Variants in UBE2H observed in about 807,000 individuals in gnomAD.
UBE2H encodes the protein ubiquitin conjugating enzyme E2 H, also known as ubiquitin-conjugating enzyme E2 H.
A neutral mutation model predicts 29.0 loss-of-function variants in UBE2H; 3 were observed. That is an observed-to-expected ratio of 0.10 (90% CI 0.05 to 0.27). The LOEUF is 0.27. Among genes scored for constraint, UBE2H ranks in the 10% least tolerant of loss-of-function variants. The pLI is 1.00. For synonymous variants in UBE2H, 69 were observed against 82.9 expected (o/e 0.83, Z 0.91); for missense variants, 68 against 228.2 (o/e 0.30, Z 4.52).
intron 1 of UBE2H, among the ~76,000 whole-genome samples, chr7:129,899,461 C>CT (rs1554436814): frequency 6.6e-6 from 1 of 152,008 alleles, no homozygotes; most frequent in African/African-American, 2.4e-5. Context: ...TTGTCCAGTG[C>CT]TTTTTTTTCT....
At chr7:129,950,807 C>G (rs535811123) in intron 1 of UBE2H, among the ~76,000 whole-genome samples, 14 of 152,218 alleles carry the variant, frequency 9.2e-5, no homozygotes, top group African/African-American at 3.4e-4. Flanking sequence ...GTCATAGTTA[C>G]AAGTTTTCCT....
intron 1 of UBE2H, among the ~76,000 whole-genome samples, chr7:129,946,158 T>C (rs965214943): frequency 6.6e-6 from 1 of 151,832 alleles, no homozygotes; most frequent in Non-Finnish European, 1.5e-5. Context: ...GTTCACACCA[T>C]TCTCCTGCCT....
chr7:129,891,319 G>A (rs914444111), intron 1 of UBE2H, among the ~76,000 whole-genome samples: 44 of 151,794 alleles, frequency 2.9e-4, no homozygotes, highest in Non-Finnish European at 4.9e-4. Flanking sequence ...CTATATAGCT[G>A]GGATTACAGG....
chr7:129,835,090 G>A (rs1480896954), intron 6 of UBE2H, 29 bp from the exon 7 acceptor site: 1 of 1,613,586 alleles, frequency 6.2e-7, no homozygotes, highest in Non-Finnish European at 8.5e-7. Context: ...AGACAACAAG[G>A]GCAGTGAGTG....
chr7:129,894,724 G>C (rs1299884775), intron 1 of UBE2H, among the ~76,000 whole-genome samples: 1 of 151,782 alleles, frequency 6.6e-6, no homozygotes, highest in Non-Finnish European at 1.5e-5. Context: ...CCTGACCTCA[G>C]GTGATCCACT....
intron 1 of UBE2H, among the ~76,000 whole-genome samples, chr7:129,917,050 A>C (rs1236683271): frequency 6.6e-6 from 1 of 151,766 alleles, no homozygotes; most frequent in East Asian, 1.9e-4. Context: ...AAAAAAAAAA[A>C]AAAACACAGC....
intron 1 of UBE2H, among the ~76,000 whole-genome samples, chr7:129,921,179 T>C (rs901586110): frequency 3.9e-5 from 6 of 152,160 alleles, no homozygotes; most frequent in Non-Finnish European, 7.4e-5. Flanking sequence ...TCTGCTAGAC[T>C]GTGTCACTGT....
intron 3 of UBE2H, among the ~76,000 whole-genome samples, chr7:129,866,473 C>T (rs936683470): frequency 4.6e-5 from 7 of 152,076 alleles, no homozygotes; most frequent in African/African-American, 1.2e-4. Flanking sequence ...ATCGCTGGGT[C>T]GTTCATATAA....
chr7:129,908,313 T>G (rs900686911), intron 1 of UBE2H, among the ~76,000 whole-genome samples: 5 of 152,218 alleles, frequency 3.3e-5, no homozygotes, highest in African/African-American at 1.2e-4. Context: ...GGTTTCTAGC[T>G]ATTATGTGGT....
intron 2 of UBE2H, among the ~76,000 whole-genome samples, chr7:129,880,555 A>G (rs1048713136): frequency 3.9e-5 from 6 of 152,204 alleles, no homozygotes; most frequent in Admixed American, 1.3e-4. Context: ...TATTTACATA[A>G]CATTTGCGTT....
chr7:129,867,718 GAAAACCAA>G (rs1805937491), intron 3 of UBE2H, among the ~76,000 whole-genome samples: 3 of 19,654 alleles, frequency 1.5e-4, no homozygotes, highest in South Asian at 5.4e-3. Context: ...AAAAAAAAAA[GAAAACCAA>G]AAAAAAAAAA....
chr7:129,903,197 T>C (rs1011850500), intron 1 of UBE2H, among the ~76,000 whole-genome samples: 4 of 152,240 alleles, frequency 2.6e-5, no homozygotes, highest in African/African-American at 9.6e-5. Flanking sequence ...ACTGTACTCA[T>C]ATAAGCTTAA....
intron 3 of UBE2H, among the ~76,000 whole-genome samples, chr7:129,867,719 AAAACC>A (rs1157879503): frequency 1.2e-4 from 7 of 58,634 alleles, no homozygotes; most frequent in East Asian, 4.2e-4. Context: ...AAAAAAAAAG[AAAACC>A]AAAAAAAAAA....
intron 5 of UBE2H, among the ~76,000 whole-genome samples, chr7:129,844,576 G>A (rs1327920254): frequency 6.6e-6 from 1 of 152,136 alleles, no homozygotes; most frequent in African/African-American, 2.4e-5. Context: ...TTTAAAGGAA[G>A]AGAGCCAGAT....
chr7:129,866,172 T>C (rs1254984379), intron 3 of UBE2H, among the ~76,000 whole-genome samples: 1 of 152,202 alleles, frequency 6.6e-6, no homozygotes, highest in Non-Finnish European at 1.5e-5. Context: ...TCACTCTCAA[T>C]GCCCTGTGTC....
chr7:129,875,172 G>A (rs1806122070), intron 3 of UBE2H, among the ~76,000 whole-genome samples: 1 of 152,120 alleles, frequency 6.6e-6, no homozygotes, highest in Non-Finnish European at 1.5e-5. Flanking sequence ...AGACTATTTG[G>A]AAATTACAGA....
chr7:129,923,350 C>A (rs917407731), intron 1 of UBE2H, among the ~76,000 whole-genome samples: 3 of 152,110 alleles, frequency 2.0e-5, no homozygotes, highest in Non-Finnish European at 4.4e-5. Flanking sequence ...ACAGTCATAT[C>A]CATGTTAAAG....
intron 3 of UBE2H, among the ~76,000 whole-genome samples, chr7:129,867,236 C>A (rs575011272): frequency 6.6e-6 from 1 of 152,056 alleles, no homozygotes; most frequent in Non-Finnish European, 1.5e-5. Flanking sequence ...GAAGACCATC[C>A]TACACATGCA....
intron 3 of UBE2H, among the ~76,000 whole-genome samples, chr7:129,864,530 C>T (rs1279926297): frequency 6.7e-6 from 1 of 150,210 alleles, no homozygotes; most frequent in Non-Finnish European, 1.5e-5. Context: ...TTATTCACTA[C>T]CAGGCATTTT....
Sources: gnomAD v4.1 joint callset for allele counts (sites outside exome capture counted in the v4.1 genomes callset) on GRCh38, gnomAD v4.1.1 for gene constraint, MANE v1.5 for transcripts, NCBI Gene and HGNC (gene_info 2026-07-23, HGNC 2026-07-21) for gene names.